Variants in CRYBB1 observed in about 807,000 individuals in gnomAD.
The protein encoded by CRYBB1 is crystallin beta B1, also known as beta-crystallin B1.
CRYBB1 carries 16 observed loss-of-function variants against 29.5 expected under a neutral mutation model. The ratio of observed to expected loss-of-function variants is 0.54; its 90% CI spans 0.37 to 0.82. CRYBB1 has a LOEUF of 0.82. Ranked by LOEUF, CRYBB1 falls within the 40% of genes least tolerant of loss-of-function variation. CRYBB1 has a pLI of 0.00. For synonymous variants in CRYBB1, 127 were observed against 136.7 expected (o/e 0.93, Z 0.49); for missense variants, 300 against 350.5 (o/e 0.86, Z 1.15).
intron 4 of CRYBB1, 121 bp from the exon 5 acceptor site, chr22:26,602,142 C>T: frequency 2.4e-6 from 3 of 1,243,116 alleles, no homozygotes; most frequent in Non-Finnish European, 3.4e-6. Flanking sequence ...CTGGGGGACT[C>T]TCCAGGGACC....
At chr22:26,616,094 AG>A in intron 2 of CRYBB1, 45 bp downstream of exon 2, 1 of 1,478,130 alleles carries the variant, frequency 6.8e-7, no homozygotes, top group Non-Finnish European at 9.5e-7. Flanking sequence ...GAGGGAAGGA[AG>A]GAAAGAAGGC....
At chr22:26,613,913 G>T (rs1018243653) in intron 2 of CRYBB1, among the ~76,000 whole-genome samples, 1 of 152,134 alleles carries the variant, frequency 6.6e-6, no homozygotes, top group South Asian at 2.1e-4. Flanking sequence ...AAGAGAATGC[G>T]CACCTGGGGT....
chr22:26,606,298 C>A (rs552369171), intron 4 of CRYBB1, among the ~76,000 whole-genome samples: 73 of 152,148 alleles, frequency 4.8e-4, no homozygotes, highest in Non-Finnish European at 8.7e-4. Flanking sequence ...TTTATTTAAA[C>A]AAATATACCT....
At chr22:26,611,003 C>A (rs937626814) in intron 3 of CRYBB1, among the ~76,000 whole-genome samples, 1 of 152,162 alleles carries the variant, frequency 6.6e-6, no homozygotes, top group East Asian at 1.9e-4. Context: ...TGCCCCTCCA[C>A]CCTGACCTCA....
At chr22:26,611,454 G>A (rs867565657) in intron 3 of CRYBB1, among the ~76,000 whole-genome samples, 4 of 142,696 alleles carry the variant, frequency 2.8e-5, no homozygotes, top group Non-Finnish European at 6.2e-5. Context: ...GCTAGAGTTT[G>A]TTTTTTTTTT....
intron 2 of CRYBB1, among the ~76,000 whole-genome samples, chr22:26,615,935 G>A (rs1039778971): frequency 6.6e-6 from 1 of 152,134 alleles, no homozygotes; most frequent in Non-Finnish European, 1.5e-5. Context: ...AAAGAGAATA[G>A]GGACAGAGGA....
At chr22:26,607,177 C>T (rs1212084971) in intron 4 of CRYBB1, among the ~76,000 whole-genome samples, 1 of 151,972 alleles carries the variant, frequency 6.6e-6, no homozygotes, top group Non-Finnish European at 1.5e-5. Context: ...CATGCGCCAC[C>T]ACGCCCGGCT....
intron 2 of CRYBB1, among the ~76,000 whole-genome samples, chr22:26,615,736 A>G (rs1342269012): frequency 6.6e-6 from 1 of 151,254 alleles, no homozygotes; most frequent in Non-Finnish European, 1.5e-5. Context: ...CTGGTCTCGA[A>G]CTCCTGACCT....
intron 1 of CRYBB1, 146 bp from the exon 2 acceptor site, chr22:26,616,484 A>G (rs1929360669): frequency 3.1e-6 from 2 of 653,188 alleles, no homozygotes; most frequent in Non-Finnish European, 5.5e-6. Flanking sequence ...TTTTTCTTTC[A>G]TCCCTACTTC....
intron 5 of CRYBB1, among the ~76,000 whole-genome samples, chr22:26,600,177 A>G (rs1009185762): frequency 3.9e-5 from 6 of 152,144 alleles, no homozygotes; most frequent in Non-Finnish European, 7.4e-5. Flanking sequence ...TGAGGCGGGC[A>G]AATCACAAGG....
At chr22:26,605,638 A>T (rs887611675) in intron 4 of CRYBB1, among the ~76,000 whole-genome samples, 1 of 134,550 alleles carries the variant, frequency 7.4e-6, no homozygotes, top group Non-Finnish European at 1.5e-5. Context: ...GTGCCACTAC[A>T]CTCCAGCCTG....
intron 4 of CRYBB1, among the ~76,000 whole-genome samples, chr22:26,606,884 A>G (rs1928991790): frequency 6.6e-6 from 1 of 152,204 alleles, no homozygotes; most frequent in African/African-American, 2.4e-5. Context: ...AAAACTGTGA[A>G]TCACTTGGAG....
At chr22:26,609,220 CT>C (rs1305223761) in intron 3 of CRYBB1, among the ~76,000 whole-genome samples, 1 of 152,200 alleles carries the variant, frequency 6.6e-6, no homozygotes, top group Non-Finnish European at 1.5e-5. Flanking sequence ...TCACCATGGG[CT>C]GAGACAGAAT....
intron 5 of CRYBB1, among the ~76,000 whole-genome samples, chr22:26,600,270 T>C (rs928290661): frequency 1.3e-5 from 2 of 151,866 alleles, no homozygotes; most frequent in South Asian, 2.1e-4. Context: ...GGTGTGGTGG[T>C]GGGCACCTGT....
At chr22:26,611,496 C>T (rs1929162081) in intron 3 of CRYBB1, among the ~76,000 whole-genome samples, 1 of 142,160 alleles carries the variant, frequency 7.0e-6, no homozygotes, top group East Asian at 2.0e-4. Context: ...GAGACGGAGT[C>T]TCGCTCTGTC....
At chr22:26,606,028 T>C (rs1270380884) in intron 4 of CRYBB1, among the ~76,000 whole-genome samples, 2 of 152,212 alleles carry the variant, frequency 1.3e-5, no homozygotes, top group Non-Finnish European at 1.5e-5. Context: ...TTGCAATTGT[T>C]TTAAAGCTCA....
intron 2 of CRYBB1, among the ~76,000 whole-genome samples, chr22:26,615,253 T>C (rs1011494569): frequency 6.6e-6 from 1 of 152,230 alleles, no homozygotes; most frequent in Non-Finnish European, 1.5e-5. Context: ...CTCCACAGGA[T>C]GCCTTTCAGC....
intron 5 of CRYBB1, 58 bp downstream of exon 5, chr22:26,601,821 C>T: frequency 1.2e-6 from 2 of 1,609,894 alleles, no homozygotes; most frequent in East Asian, 4.5e-5. Flanking sequence ...GGGGAGCAGC[C>T]TCTGATTCTG....
intron 3 of CRYBB1, among the ~76,000 whole-genome samples, chr22:26,609,744 A>C (rs1253020588): frequency 6.6e-6 from 1 of 152,196 alleles, no homozygotes; most frequent in East Asian, 1.9e-4. Context: ...AGGTGGTTTC[A>C]TGTAGGAGTT....
Sources: gnomAD v4.1 joint callset for allele counts (sites outside exome capture counted in the v4.1 genomes callset) on GRCh38, gnomAD v4.1.1 for gene constraint, MANE v1.5 for transcripts, NCBI Gene and HGNC (gene_info 2026-07-23, HGNC 2026-07-21) for gene names.